Variants in MAST3 observed in about 807,000 individuals in gnomAD.
The protein encoded by MAST3 is microtubule-associated serine/threonine-protein kinase 3.
In MAST3, 43 loss-of-function variants were observed where a neutral mutation model predicts 127.0. The ratio of observed to expected loss-of-function variants is 0.34; its 90% confidence interval spans 0.27 to 0.44. The LOEUF is 0.44. Ranked by LOEUF, MAST3 falls within the 20% of genes least tolerant of loss-of-function variation. The pLI is 1.00. For synonymous variants in MAST3, 785 were observed against 809.2 expected, an observed-to-expected ratio of 0.97 and a Z score of 0.51; for missense variants, 1,390 against 1,919.1, an observed-to-expected ratio of 0.72 and a Z score of 5.15.
intron 15 of MAST3, among the ~76,000 whole-genome samples, chr19:18,132,743 G>A (rs570999768): frequency 2.0e-5 from 3 of 152,182 alleles, no homozygotes; most frequent in East Asian, 1.9e-4. Flanking sequence ...AGGTGTCCTC[G>A]AGATACGAGG....
Position 18,138,677 on chromosome 19 carries a change from G to A in MAST3, c.2096-338G>A, listed in dbSNP as rs181564586. On this transcript the variant is annotated intron_variant, in intron 19 of 27. Transcript: ENST00000687212. ...TACTGCCCAGCTAATATTTGTATTT[G>A]TAGTAGAGATGGGGTTTCACCATGT... Among the ~76,000 whole-genome samples, 16 of 150,854 alleles carry A rather than the reference G, an allele frequency of 1.1e-4. No homozygotes were observed. The East Asian group carries it at 2.7e-3, about 26-fold the overall frequency.
intron 6 of MAST3, 116 bp downstream of exon 6, chr19:18,122,867 T>C: frequency 8.9e-7 from 1 of 1,129,302 alleles, no homozygotes; most frequent in Non-Finnish European, 1.3e-6. Context: ...AACATACTAG[T>C]TACTTCCTCC....
chr19:18,118,102 G>A (rs552175733), intron 3 of MAST3: 1 of 985,352 alleles, frequency 1.0e-6, no homozygotes, highest in South Asian at 4.7e-5. Flanking sequence ...TCCTGGGGCC[G>A]ATCCCACCGC....
intron 1 of MAST3, among the ~76,000 whole-genome samples, chr19:18,100,671 G>A (rs1339798466): frequency 2.0e-5 from 3 of 152,196 alleles, no homozygotes; most frequent in Admixed American, 6.5e-5. Flanking sequence ...GAGGCCCAAA[G>A]AGGGAAGTAC....
In MAST3 at chr19:18,145,731, G is replaced by A. The variant is rs142826493; in HGVS notation, c.3040-12G>A. ...CCAGGCCATTGACCCCACCGTTCTC[G>A]TCTGCCCCCAGAGTGTGGAGGACGG... On this transcript the variant is annotated splice_polypyrimidine_tract_variant and intron_variant, in intron 24 of 27. Transcript: ENST00000687212. The surrounding 1 kb of genome is among the most constrained non-coding windows in gnomAD (Gnocchi z 5.9). 1,240 of 1,575,000 alleles carry A rather than the reference G, an allele frequency of 7.9e-4. 12 individuals carry two copies. The Admixed American group carries it at 0.017, about 22-fold the overall frequency.
chr19:18,130,474 GC>G lies in MAST3; in HGVS notation c.1224-18del. 6.3e-7 allele frequency: 1 copy of G among 1,575,666 alleles called. No homozygotes were observed. Among genetic ancestry groups the G allele is most frequent in the Non-Finnish European group, 8.6e-7 (1 of 1,160,206 alleles). Reference sequence around the variant, plus strand: ...GGGCCTCGATCTCCGGTCCCAGCAAGCCTGGCCCTCTGTCCCCAGGGCCGTC... The same window carrying G: ...GGGCCTCGATCTCCGGTCCCAGCAAGCTGGCCCTCTGTCCCCAGGGCCGTC... On this transcript the variant is annotated intron_variant, in intron 13 of 27. Transcript: ENST00000687212.
intron 1 of MAST3, among the ~76,000 whole-genome samples, chr19:18,105,152 A>T (rs1370999761): frequency 6.6e-6 from 1 of 152,160 alleles, no homozygotes; most frequent in African/African-American, 2.4e-5. Context: ...GGATCACTTG[A>T]GGTCAGGAGT....
intron 3 of MAST3, among the ~76,000 whole-genome samples, chr19:18,111,153 G>C (rs2038560143): frequency 6.6e-6 from 1 of 152,106 alleles, no homozygotes; most frequent in South Asian, 2.1e-4. Flanking sequence ...TGTGAATTGA[G>C]ATTAACCAAA....
Position 18,124,716 on chromosome 19 carries a change from G to T in MAST3, c.1020G>T (p.Lys340Asn). Residue 340 changes from lysine (K) to asparagine (N), a missense_variant, in exon 11 of 28, where the codon AAG becomes AAT. Physicochemically the swap from Lys to Asn is moderately conservative, Grantham distance 94. Transcript: ENST00000687212. ...EGHAREGQGI[K>N]TDLPQYIIGQ... ...ATGCGCGGGAGGGCCAAGGCATTAA[G>T]ACTGACCTTCCACAGTACATCATTG... The T allele has an allele frequency of 6.2e-7, 1 of 1,612,132 alleles. No homozygotes were observed. The highest frequency in any genetic ancestry group is 1.1e-5 in the South Asian group (1 of 91,022).
At chr19:18,108,831 T>C (rs1028979353) in intron 2 of MAST3, among the ~76,000 whole-genome samples, 6 of 152,150 alleles carry the variant, frequency 3.9e-5, no homozygotes, top group African/African-American at 1.4e-4. Context: ...GGAGCTGCTT[T>C]TGCCTGAGTT....
At chr19:18,101,122 A>G (rs1194134082) in intron 1 of MAST3, among the ~76,000 whole-genome samples, 1 of 152,060 alleles carries the variant, frequency 6.6e-6, no homozygotes, top group Non-Finnish European at 1.5e-5. Flanking sequence ...TACTACTACT[A>G]CTATTATCTT....
chr19:18,141,377 C>CTTTTTTT (rs370099564), intron 20 of MAST3, among the ~76,000 whole-genome samples: 12,988 of 122,548 alleles, frequency 0.11, 1,280 homozygotes, highest in Admixed American at 0.15. Context: ...AGCCAGCTTT[C>CTTTTTTT]TTTTTTTTTT....
chr19:18,109,448 G>A (rs1185461095), intron 2 of MAST3, among the ~76,000 whole-genome samples: 1 of 152,152 alleles, frequency 6.6e-6, no homozygotes, highest in Non-Finnish European at 1.5e-5. Context: ...GGACTGCCGA[G>A]GGCAAAGTCC....
rs761690613 is a variant in MAST3, at chr19:18,142,055, A to G, written c.2339+40A>G. 2.9e-6 allele frequency: 4 copies of G among 1,387,134 alleles called. No homozygotes were observed. In the Admixed American group the frequency reaches 7.9e-5, roughly 28 times the overall value. 85.9% of individuals were successfully genotyped at this position (1,387,134 alleles called of 1,614,324 possible). A position where few individuals can be genotyped will look rare whatever the true frequency, so the allele number is the denominator to read the frequency against. ...GAAGTGTAGGCAGATCCAGCTTCCAAGCCTGCTGGGAGGTAGAGACACAAA... is the reference window on the plus strand; with the variant it reads ...GAAGTGTAGGCAGATCCAGCTTCCAGGCCTGCTGGGAGGTAGAGACACAAA... On this transcript the variant is annotated intron_variant, in intron 21 of 27. Transcript: ENST00000687212.
rs900017334 is a variant in MAST3 at position 18,112,736 on chromosome 19, G to A, written c.161+1995G>A. ...TCCACCCGCCTTGGCTTCCCAAAGT[G>A]CTAGGATTATAGGCGTGAGCCACTG... On this transcript the variant is annotated intron_variant, in intron 3 of 27. Transcript: ENST00000687212. The surrounding 1 kb of genome is among the most constrained non-coding windows in gnomAD (Gnocchi z 4.1). Among the ~76,000 whole-genome samples the A allele has an allele frequency of 1.3e-5, 2 of 152,138 alleles. No homozygotes were observed. Among genetic ancestry groups the A allele is most frequent in the African/African-American group, 4.8e-5 (2 of 41,414 alleles).
chr19:18,149,892 T>G lies in MAST3; in HGVS notation c.*166T>G. On this transcript the variant is annotated 3_prime_UTR_variant, in exon 28 of 28. Coordinates refer to ENST00000687212, the MANE Select transcript of MAST3 (RefSeq NM_001393504.1). This position sits in a 1 kb window ranked among gnomAD's most constrained non-coding sequence, Gnocchi z 5.9. ...GGTGGAGACATCGCTTGTGTTCTGG[T>G]GTCAATCGGGGCTGGATGGGGCAAG... The G allele has an allele frequency of 1.2e-6, 1 of 856,472 alleles. No individual in the cohort carries two copies. The highest frequency in any genetic ancestry group is 1.6e-6 in the Non-Finnish European group (1 of 641,362). 53.1% of individuals were successfully genotyped at this position (856,472 alleles called of 1,614,324 possible).
intron 20 of MAST3, 68 bp downstream of exon 20, chr19:18,139,192 CTG>C: frequency 8.1e-7 from 1 of 1,229,026 alleles, no homozygotes; most frequent in Non-Finnish European, 1.2e-6. Flanking sequence ...GCTTTCGTAT[CTG>C]TTTTTTGATT....
At chr19:18,131,586 C>A (rs189162848) in intron 14 of MAST3, among the ~76,000 whole-genome samples, 1 of 137,764 alleles carries the variant, frequency 7.3e-6, no homozygotes, top group Admixed American at 7.2e-5. Context: ...GTAATCCCAG[C>A]TACTCTGGAG....
At chr19:18,106,966 ATTTTTTTTTTTTTTT>A (rs60298417) in intron 1 of MAST3, among the ~76,000 whole-genome samples, 8 of 73,950 alleles carry the variant, frequency 1.1e-4, no homozygotes, top group East Asian at 6.9e-4. Context: ...ATGCCCAGCA[ATTTTTTTTTTTTTTT>A]TTTTTTTTTT....
Sources: gnomAD v4.1 joint callset for allele counts (sites outside exome capture counted in the v4.1 genomes callset) on GRCh38, gnomAD v4.1.1 for gene constraint, Gnocchi (gnomAD v3.1) non-coding constraint, MANE v1.5 for transcripts, NCBI Gene and HGNC (gene_info 2026-07-23, HGNC 2026-07-21) for gene names.